TBCA: variants seen among roughly 807,000 people sequenced by gnomAD.
TBCA encodes tubulin folding cofactor A.
A neutral mutation model predicts 15.8 loss-of-function variants in TBCA; 6 were observed. The observed-to-expected ratio is 0.38, with a 90% CI of 0.21 to 0.75. The LOEUF (loss-of-function observed/expected upper bound fraction) is 0.75. Ranked by LOEUF, TBCA falls within the 30% of genes least tolerant of loss-of-function variation. The probability of loss-of-function intolerance (pLI) is 0.46; values close to 1 mark genes in which losing one functional copy is unlikely to be tolerated. For missense variants in TBCA, 90 were observed against 131.2 expected, an observed-to-expected ratio of 0.69 and a Z score of 1.53; for synonymous variants, 32 against 42.3, an observed-to-expected ratio of 0.76 and a Z score of 0.94.
At chr5:77,727,466 A>C (rs1746655144) in intron 1 of TBCA, among the ~76,000 whole-genome samples, 1 of 152,124 alleles carries the variant, frequency 6.6e-6, no homozygotes. Flanking sequence ...TTTCTTTTTA[A>C]AGAGTTATAG....
At chr5:77,763,913 T>C (rs1337411948) in intron 1 of TBCA, among the ~76,000 whole-genome samples, 1 of 152,106 alleles carries the variant, frequency 6.6e-6, no homozygotes, top group Non-Finnish European at 1.5e-5. Context: ...CCCTCAGACA[T>C]AATTAACAGA....
At chr5:77,765,678 TC>T (rs779235539) in intron 1 of TBCA, among the ~76,000 whole-genome samples, 4 of 152,130 alleles carry the variant, frequency 2.6e-5, no homozygotes, top group Admixed American at 6.5e-5. Context: ...GAATGACTCT[TC>T]CCCCATGTAT....
At chr5:77,738,207 C>T (rs947975666) in intron 1 of TBCA, among the ~76,000 whole-genome samples, 8 of 152,178 alleles carry the variant, frequency 5.3e-5, no homozygotes, top group Non-Finnish European at 1.2e-4. Context: ...TTTCAAGACA[C>T]CTAAATGTCA....
chr5:77,709,020 T>C (rs1746214602), intron 1 of TBCA, among the ~76,000 whole-genome samples: 1 of 151,848 alleles, frequency 6.6e-6, no homozygotes, highest in Admixed American at 6.6e-5. Flanking sequence ...TCCAAACCTT[T>C]ATACATGTAT....
intron 1 of TBCA, among the ~76,000 whole-genome samples, chr5:77,767,117 A>C (rs1747797287): frequency 6.6e-6 from 1 of 152,262 alleles, no homozygotes; most frequent in Non-Finnish European, 1.5e-5. Context: ...AATACACTTC[A>C]GTAGACTTGG....
At chr5:77,704,647 CTTTTGG>C (rs1343151435) in intron 2 of TBCA, among the ~76,000 whole-genome samples, 1 of 151,792 alleles carries the variant, frequency 6.6e-6, no homozygotes, top group East Asian at 1.9e-4. Flanking sequence ...CAGAGCAGTC[CTTTTGG>C]TTATGCAACA....
chr5:77,769,659 C>G, intron 1 of TBCA, among the ~76,000 whole-genome samples: 1 of 149,520 alleles, frequency 6.7e-6, no homozygotes, highest in Non-Finnish European at 1.5e-5. Flanking sequence ...GGGAACAATG[C>G]TTGCTTTATT....
At chr5:77,755,997 C>CTGTTGTTGTT (rs1224763438) in intron 1 of TBCA, among the ~76,000 whole-genome samples, 3 of 152,092 alleles carry the variant, frequency 2.0e-5, no homozygotes, top group Non-Finnish European at 2.9e-5. Context: ...AAGAGCGAAA[C>CTGTTGTTGTT]TTTATCTCAA....
chr5:77,735,237 T>C (rs547901603), intron 1 of TBCA, among the ~76,000 whole-genome samples: 1 of 152,320 alleles, frequency 6.6e-6, no homozygotes, highest in African/African-American at 2.4e-5. Flanking sequence ...GAAAGTCTCT[T>C]AAATAAGGTA....
rs551325815 is a variant in TBCA at position 77,744,696 on chromosome 5, C to T, written c.53+31509G>A. Among the ~76,000 whole-genome samples, 14 of 151,896 alleles carry T rather than the reference C, an allele frequency of 9.2e-5. No individual in the cohort carries two copies. In the East Asian group the frequency reaches 9.7e-4, roughly 11 times the overall value. On this transcript the variant is annotated intron_variant, in intron 1 of 3. Coordinates refer to ENST00000380377, the MANE Select transcript of TBCA (RefSeq NM_004607.3). ...GATTACAGGCATCCACCACTATGCACGGCTAATTTTTGTATTTTTAGTAGA... is the reference window on the plus strand; with the variant it reads ...GATTACAGGCATCCACCACTATGCATGGCTAATTTTTGTATTTTTAGTAGA...
chr5:77,755,433 C>T (rs1747450739), intron 1 of TBCA, among the ~76,000 whole-genome samples: 4 of 151,438 alleles, frequency 2.6e-5, no homozygotes, highest in Admixed American at 2.0e-4. Flanking sequence ...AAAAATTAGC[C>T]GTGTGTGGTG....
intron 2 of TBCA, among the ~76,000 whole-genome samples, chr5:77,701,710 T>C (rs10043578): frequency 0.01 from 1,410 of 136,360 alleles, 22 homozygotes; most frequent in Non-Finnish European, 0.015. Flanking sequence ...TATATATATA[T>C]ATATATATAT....
intron 2 of TBCA, among the ~76,000 whole-genome samples, chr5:77,706,334 G>A (rs1746148029): frequency 6.6e-6 from 1 of 152,140 alleles, no homozygotes; most frequent in South Asian, 2.1e-4. Flanking sequence ...AGAAGACCAA[G>A]TGATCTGAGG....
intron 1 of TBCA, among the ~76,000 whole-genome samples, chr5:77,741,753 G>T (rs1747037788): frequency 6.6e-6 from 1 of 152,062 alleles, no homozygotes; most frequent in African/African-American, 2.4e-5. Context: ...GAGTAGGAAA[G>T]TTGGCTTGAG....
chr5:77,708,017 C>CAAACAAAACA (rs895297072), intron 2 of TBCA, among the ~76,000 whole-genome samples: 1 of 152,082 alleles, frequency 6.6e-6, no homozygotes, highest in Non-Finnish European at 1.5e-5. Flanking sequence ...GGCCCTGTTT[C>CAAACAAAACA]AAACAAAACA....
At chr5:77,748,973 A>C (rs180852914) in intron 1 of TBCA, among the ~76,000 whole-genome samples, 23 of 152,336 alleles carry the variant, frequency 1.5e-4, no homozygotes, top group Non-Finnish European at 3.1e-4. Context: ...TCTGCCTGAA[A>C]TGGTGGCAAA....
chr5:77,742,353 CTCAT>C (rs1747059345), intron 1 of TBCA, among the ~76,000 whole-genome samples: 1 of 152,110 alleles, frequency 6.6e-6, no homozygotes, highest in East Asian at 1.9e-4. Context: ...ACCTGACTCC[CTCAT>C]TATTTTATGT....
chr5:77,701,903 TG>T (rs1331004686), intron 2 of TBCA, among the ~76,000 whole-genome samples: 1 of 151,668 alleles, frequency 6.6e-6, no homozygotes, highest in African/African-American at 2.4e-5. Flanking sequence ...TGGATGGGAC[TG>T]GAGACTATTA....
intron 2 of TBCA, among the ~76,000 whole-genome samples, chr5:77,701,384 G>A (rs1746009200): frequency 6.6e-6 from 1 of 151,890 alleles, no homozygotes; most frequent in Admixed American, 6.6e-5. Context: ...CTGCAAGAAC[G>A]ATCAAAATCT....
Sources: gnomAD v4.1 joint callset for allele counts (sites outside exome capture counted in the v4.1 genomes callset) on GRCh38, gnomAD v4.1.1 for gene constraint, MANE v1.5 for transcripts, NCBI Gene and HGNC (gene_info 2026-07-23, HGNC 2026-07-21) for gene names.